The following PPP1R21 variants were observed in gnomAD, a reference collection of about 807,000 sequenced individuals.
PPP1R21 encodes the protein KLRAQ motif containing 1.
A neutral mutation model predicts 112.8 loss-of-function variants in PPP1R21; 85 were observed. That is an observed-to-expected ratio of 0.75 (90% CI 0.63 to 0.90). The LOEUF (loss-of-function observed/expected upper bound fraction) is 0.90, where lower values mean the gene tolerates loss of function less well. PPP1R21 is among the 40% of genes least tolerant of loss of function. PPP1R21 has a pLI of 0.00. For missense variants in PPP1R21, 1,199 were observed against 901.5 expected (o/e 1.33, Z -4.23); for synonymous variants, 381 against 322.3 (o/e 1.18, Z -1.95).
chr2:48,452,697 G>C (rs1572831452), intron 2 of PPP1R21, among the ~76,000 whole-genome samples: 1 of 151,940 alleles, frequency 6.6e-6, no homozygotes, highest in Non-Finnish European at 1.5e-5. Context: ...TACCCTTTCA[G>C]TGCGCTGTTA....
intron 15 of PPP1R21, among the ~76,000 whole-genome samples, chr2:48,493,098 C>T (rs1417569667): frequency 1.1e-4 from 16 of 150,918 alleles, no homozygotes; most frequent in Admixed American, 4.6e-4. Context: ...CTCCGCCTCC[C>T]GGGTTCACAC....
intron 20 of PPP1R21, among the ~76,000 whole-genome samples, chr2:48,510,374 C>T (rs561986565): frequency 7.2e-4 from 110 of 152,234 alleles, no homozygotes; most frequent in African/African-American, 2.5e-3. Flanking sequence ...CAGAATTTTT[C>T]TTTCCCCTTC....
At chr2:48,498,861 A>G (rs1669972641) in intron 17 of PPP1R21, 126 bp downstream of exon 17, 4 of 955,724 alleles carry the variant, frequency 4.2e-6, no homozygotes, top group East Asian at 5.0e-5. Flanking sequence ...TAAGCTGAGC[A>G]TCTTGTAAAT....
At chr2:48,477,767 G>A (rs1431909468) in intron 12 of PPP1R21, among the ~76,000 whole-genome samples, 1 of 151,694 alleles carries the variant, frequency 6.6e-6, no homozygotes, top group Non-Finnish European at 1.5e-5. Flanking sequence ...AAAGAAGTCA[G>A]TTGGGATTCT....
Position 48,491,033 on chromosome 2 carries a change from A to G in PPP1R21, c.1462A>G (p.Ser488Gly). 6.2e-7 allele frequency: 1 copy of G among 1,614,072 alleles called. No individual in the cohort carries two copies. Among genetic ancestry groups the G allele is most frequent in the Non-Finnish European group, 8.5e-7 (1 of 1,179,928 alleles). The change falls in exon 15 of 22, where the codon AGC (serine) becomes GGC (glycine). Residue 488 changes from serine to glycine, a missense_variant. Transcript: ENST00000294952. ...CTTTGTTTAGATTGCATCCTTCTTC[A>G]GCAACAATTTGGACTACTTCATTGC... ...NGAGKIASFF[S>G]NNLDYFIASL...
At chr2:48,446,862 T>C (rs2103738949) in intron 1 of PPP1R21, among the ~76,000 whole-genome samples, 1 of 152,326 alleles carries the variant, frequency 6.6e-6, no homozygotes, top group East Asian at 1.9e-4. Context: ...GCAATTCTCC[T>C]GCCTCAGCCT....
intron 17 of PPP1R21, among the ~76,000 whole-genome samples, chr2:48,500,358 G>C (rs1295760854): frequency 6.6e-6 from 1 of 151,818 alleles, no homozygotes; most frequent in Non-Finnish European, 1.5e-5. Context: ...AGCAATTATT[G>C]AATCTAGATA....
chr2:48,461,279 C>A, intron 7 of PPP1R21, 47 bp downstream of exon 7: 1 of 1,472,348 alleles, frequency 6.8e-7, no homozygotes, highest in South Asian at 1.4e-5. Flanking sequence ...TTGAATCTCT[C>A]TGTGGTAGCC....
Position 48,465,596 on chromosome 2 carries a change from T to A in PPP1R21, c.851T>A (p.Phe284Tyr). ...TACACAGAACAGAGGATTCAAATTT[T>A]TCCTGTTGATTCTGCCATTGACACT... is the stretch of plus-strand genomic sequence containing the variant. ...HTYTEQRIQI[F>Y]PVDSAIDTIS... is the part of the protein sequence containing the mutation. Residue 284 changes from phenylalanine to tyrosine, a missense_variant, in exon 9 of 22, where the codon TTT becomes TAT. Transcript: ENST00000294952. The A allele has an allele frequency of 2.5e-6, 4 of 1,613,814 alleles. No individual in the cohort carries two copies. In the South Asian group the frequency reaches 4.4e-5, roughly 18 times the overall value.
intron 1 of PPP1R21, among the ~76,000 whole-genome samples, chr2:48,449,758 A>G (rs977698611): frequency 1.3e-5 from 2 of 151,888 alleles, no homozygotes; most frequent in African/African-American, 4.8e-5. Flanking sequence ...AATTTTAGAA[A>G]TAGATTTTTT....
At position 48,510,048 on chromosome 2, in the gene PPP1R21, G is replaced by A. The variant is rs1187136123; in HGVS notation, c.2119G>A (p.Glu707Lys). The change falls in exon 20 of 22, where the codon GAA (glutamate) becomes AAA (lysine). Residue 707 changes from glutamate to lysine, a missense_variant. By Grantham distance (56) the Glu-to-Lys change is moderately conservative (BLOSUM62 1). Transcript: ENST00000294952. ...RALSKRLALA[E>K]KSKEALTEEM... ...ACTGTCTAAAAGACTGGCCTTGGCT[G>A]AAAAGTCTAAGGAAGCATTGACAGA... 1 of 1,613,908 alleles carries A rather than the reference G, an allele frequency of 6.2e-7. No individual in the cohort carries two copies.
chr2:48,489,364 G>T (rs995263734), intron 14 of PPP1R21, among the ~76,000 whole-genome samples: 1 of 150,784 alleles, frequency 6.6e-6, no homozygotes, highest in African/African-American at 2.4e-5. Context: ...AGCCACACAT[G>T]ATGGTGTGCG....
At chr2:48,455,444 C>CGGCCCT (rs1473285902) in intron 3 of PPP1R21, among the ~76,000 whole-genome samples, 5 of 151,864 alleles carry the variant, frequency 3.3e-5, no homozygotes, top group Non-Finnish European at 5.9e-5. Context: ...TGCCTGGCCC[C>CGGCCCT]GGCCCTGAAT....
rs1668078592 is a variant in PPP1R21, at chr2:48,463,703, A to T, written c.695-1234A>T. 9.2e-5 allele frequency among the ~76,000 whole-genome samples: 14 copies of T among 152,078 alleles called. No homozygotes were observed. The South Asian group carries it at 2.9e-3, about 31-fold the overall frequency. The stretch of plus-strand genomic sequence containing the variant: ...AGCTGCAGCAAATGCTTTATTTGTA[A>T]TGAGGAGATACTGAAGATAGAAGCA... On this transcript the variant is annotated intron_variant, in intron 7 of 21. Transcript: ENST00000294952.
At chr2:48,450,164 C>G (rs1403385016) in intron 1 of PPP1R21, among the ~76,000 whole-genome samples, 1 of 152,210 alleles carries the variant, frequency 6.6e-6, no homozygotes, top group Non-Finnish European at 1.5e-5. Flanking sequence ...CTCCAGCTCA[C>G]TGCTTTTTTC....
chr2:48,454,725 G>A lies in PPP1R21; in HGVS notation c.257G>A (p.Arg86Gln), dbSNP rs1406539803. ...LQDELALSEP[R>Q]GKKNKKSGES... ...GATGAACTAGCTCTAAGTGAACCAC[G>A]AGGCAAGAAAAACAAGGTAGGTTCA... The change falls in exon 3 of 22, where the codon CGA becomes CAA. Residue 86 changes from arginine to glutamine, a missense_variant. Transcript: ENST00000294952. The A allele has an allele frequency of 2.5e-6, 4 of 1,613,850 alleles. No homozygotes were observed. Among genetic ancestry groups the A allele is most frequent in the Admixed American group, 1.7e-5 (1 of 59,978 alleles).
Position 48,458,066 on chromosome 2 carries a change from C to A in PPP1R21, c.274-60C>A, listed in dbSNP as rs763800762. On this transcript the variant is annotated intron_variant, in intron 3 of 21. Coordinates refer to ENST00000294952, the MANE Select transcript of PPP1R21 (RefSeq NM_001135629.3). ...TCTAAGATGATAGAGAATCTGTGTACCTTAGGATGTTTCTCTAAAGGATGA... is the reference window on the plus strand; with the variant it reads ...TCTAAGATGATAGAGAATCTGTGTAACTTAGGATGTTTCTCTAAAGGATGA... 1.2e-5 allele frequency: 13 copies of A among 1,071,134 alleles called. No homozygotes were observed. The African/African-American group carries it at 1.7e-4, about 14-fold the overall frequency. The allele number at this position is 1,071,134 out of a possible 1,614,324, so 66.4% of individuals were successfully genotyped here.
chr2:48,498,819 T>A, intron 17 of PPP1R21, 84 bp downstream of exon 17: 1 of 1,375,988 alleles, frequency 7.3e-7, no homozygotes. Context: ...ACCATTGTCT[T>A]AGTTCATTCA....
At position 48,459,833 on chromosome 2, in the gene PPP1R21, C is replaced by G. The variant is rs781108104; in HGVS notation, c.455C>G (p.Ala152Gly). 1 of 1,614,152 alleles carries G rather than the reference C, an allele frequency of 6.2e-7. No homozygotes were observed. Among genetic ancestry groups the G allele is most frequent in the Non-Finnish European group, 8.5e-7 (1 of 1,180,032 alleles). ...SRLATLETEA[A>G]QHQAVVDGLT... Reference sequence around the variant, plus strand: ...CTGGCCACTCTGGAGACAGAAGCAGCCCAGCACCAAGCTGTGGTTGACGGT... The same window carrying G: ...CTGGCCACTCTGGAGACAGAAGCAGGCCAGCACCAAGCTGTGGTTGACGGT... The change falls in exon 5 of 22, where the codon GCC (alanine) becomes GGC (glycine). Residue 152 changes from alanine to glycine, a missense_variant. Coordinates refer to ENST00000294952, the MANE Select transcript of PPP1R21 (RefSeq NM_001135629.3).
Sources: allele counts gnomAD v4.1 joint callset (sites outside exome capture counted in the v4.1 genomes callset), GRCh38; gene constraint gnomAD v4.1.1; transcripts MANE v1.5; gene names NCBI Gene and HGNC (gene_info 2026-07-23, HGNC 2026-07-21).